RASA3: variants seen among roughly 807,000 people sequenced by gnomAD.
RASA3 encodes ras GTPase-activating protein 3.
RASA3 carries 73 observed loss-of-function variants against 110.0 expected under a neutral mutation model. The observed-to-expected ratio is 0.66, with a 90% CI of 0.55 to 0.81. The LOEUF (loss-of-function observed/expected upper bound fraction) is 0.81. Ranked by LOEUF, RASA3 falls within the 30% of genes least tolerant of loss-of-function variation. RASA3 has a pLI of 0.00. For synonymous variants in RASA3, 500 were observed against 451.4 expected (o/e 1.11, Z -1.37); for missense variants, 976 against 1,113.2 (o/e 0.88, Z 1.75).
rs1466181981 is a variant in RASA3, at chr13:114,043,843, C to G, written c.278-2749G>C. 3.2e-3 allele frequency among the ~76,000 whole-genome samples: 199 copies of G among 62,472 alleles called. 12 individuals are homozygous for G. The highest frequency in any genetic ancestry group is 0.015 in the African/African-American group (180 of 11,798). The allele number at this position is 62,472 out of a possible 152,430, so 41.0% of individuals were successfully genotyped here. ...GGCCCACCTCACTCGCTGAGCCCCC[C>G]GCCCCGCCTCACTCGCTGAGCCCCC... On this transcript the variant is annotated intron_variant, in intron 3 of 23. Transcript: ENST00000334062.
chr13:114,034,983 G>A (rs2054253086), intron 4 of RASA3, among the ~76,000 whole-genome samples: 1 of 151,172 alleles, frequency 6.6e-6, no homozygotes, highest in African/African-American at 2.4e-5. Flanking sequence ...TGAGCTTAGA[G>A]CAGAAGGGAG....
intron 1 of RASA3, among the ~76,000 whole-genome samples, chr13:114,127,923 C>T (rs562697093): frequency 1.4e-4 from 21 of 152,136 alleles, no homozygotes; most frequent in African/African-American, 2.7e-4. Flanking sequence ...ATGGAAACGA[C>T]GCCCTTAGCA....
chr13:114,013,861 TCC>T (rs1491266676), intron 14 of RASA3, among the ~76,000 whole-genome samples: 5 of 48,076 alleles, frequency 1.0e-4, no homozygotes, highest in African/African-American at 7.3e-5. Context: ...TCTGTCTCTC[TCC>T]CTGTCTCTCT....
chr13:114,061,676 CAAA>C (rs397963864), intron 2 of RASA3, among the ~76,000 whole-genome samples: 5 of 96,264 alleles, frequency 5.2e-5, no homozygotes, highest in African/African-American at 3.7e-5. Context: ...GACTCTGTCT[CAAA>C]AAAAAAAAAA....
At chr13:114,020,768 C>CAGGT (rs2053909299) in intron 9 of RASA3, among the ~76,000 whole-genome samples, 4 of 152,200 alleles carry the variant, frequency 2.6e-5, no homozygotes, top group Non-Finnish European at 5.9e-5. Context: ...TGGGTCAGAG[C>CAGGT]CGACCACTGA....
At chr13:114,019,163 GA>G (rs2053861352) in intron 9 of RASA3, among the ~76,000 whole-genome samples, 2 of 152,130 alleles carry the variant, frequency 1.3e-5, no homozygotes, top group Admixed American at 6.5e-5. Context: ...CGCGGAGGGG[GA>G]TGGGGGTGGA....
At chr13:114,117,392 GA>G (rs1446336605) in intron 1 of RASA3, among the ~76,000 whole-genome samples, 2 of 149,056 alleles carry the variant, frequency 1.3e-5, no homozygotes, top group African/African-American at 5.0e-5. Flanking sequence ...GCACGTGTGT[GA>G]GGGGAGCACG....
At chr13:114,077,580 G>A (rs2079709729) in intron 1 of RASA3, among the ~76,000 whole-genome samples, 1 of 97,418 alleles carries the variant, frequency 1.0e-5, no homozygotes, top group South Asian at 4.0e-4. Context: ...TGGCACCAAT[G>A]CACCGGATTC....
At chr13:114,049,904 C>A (rs1253646557) in intron 3 of RASA3, among the ~76,000 whole-genome samples, 1 of 152,232 alleles carries the variant, frequency 6.6e-6, no homozygotes, top group Non-Finnish European at 1.5e-5. Flanking sequence ...GGAGGCAGGT[C>A]ACGGAGGGCA....
intron 1 of RASA3, among the ~76,000 whole-genome samples, chr13:114,097,900 C>T (rs2079966696): frequency 6.6e-6 from 1 of 152,214 alleles, no homozygotes; most frequent in South Asian, 2.1e-4. Context: ...CCTGTGCACG[C>T]CGTGCAGCAG....
chr13:114,034,164 C>T lies in RASA3; in HGVS notation c.373-4277G>A, dbSNP rs186960200. Among the ~76,000 whole-genome samples, 18 of 152,310 alleles carry T rather than the reference C, an allele frequency of 1.2e-4. No homozygotes were observed. The East Asian group carries it at 2.1e-3, about 18-fold the overall frequency. ...CCAGCCGGGCACTGGGCCTGCTATC[C>T]GTGGCTATCCACGGGCTAAAGGAGT... On this transcript the variant is annotated intron_variant, in intron 4 of 23. Coordinates refer to ENST00000334062, the MANE Select transcript of RASA3 (RefSeq NM_007368.4).
chr13:114,068,219 A>G (rs2079487827), intron 2 of RASA3, among the ~76,000 whole-genome samples: 1 of 152,118 alleles, frequency 6.6e-6, no homozygotes, highest in South Asian at 2.1e-4. Context: ...CTCCACAGAA[A>G]GGGGGGGCCA....
chr13:114,082,226 C>T (rs565900382), intron 1 of RASA3, among the ~76,000 whole-genome samples: 11 of 152,334 alleles, frequency 7.2e-5, no homozygotes, highest in South Asian at 2.1e-4. Flanking sequence ...AGGCCAGAGA[C>T]GTCCACGTCT....
rs1194835316 is a variant in RASA3, at chr13:114,018,124, G to A, written c.1071C>T (p.Ser357=). The change falls in exon 11 of 24, where the codon AGC becomes AGT. Residue 357 remains serine, a synonymous_variant. Coordinates refer to ENST00000334062, the MANE Select transcript of RASA3 (RefSeq NM_007368.4). ...CTCACTGGGTCCGCTTCACCTCCGC[G>A]CTGGCGATGGCACTGATGAATGGCA... ...RVVPFISAIA[S]AEVKRTQDPN... 1.3e-5 allele frequency: 20 copies of A among 1,548,004 alleles called. No homozygotes were observed. The highest frequency in any genetic ancestry group is 1.7e-4 in the Middle Eastern group (1 of 5,900).
chr13:113,998,033 G>A (rs542470609), intron 20 of RASA3, among the ~76,000 whole-genome samples: 2 of 152,346 alleles, frequency 1.3e-5, no homozygotes, highest in African/African-American at 4.8e-5. Flanking sequence ...GTGAGAGCCT[G>A]GCCTGGCAGT....
At chr13:114,088,117 T>G (rs993315361) in intron 1 of RASA3, among the ~76,000 whole-genome samples, 1 of 109,604 alleles carries the variant, frequency 9.1e-6, no homozygotes, top group African/African-American at 3.4e-5. Flanking sequence ...GATGACAGAG[T>G]GAGGCCCTGT....
chr13:114,005,417 A>C (rs2139194695), intron 18 of RASA3, among the ~76,000 whole-genome samples: 1 of 152,206 alleles, frequency 6.6e-6, no homozygotes, highest in South Asian at 2.1e-4. Flanking sequence ...AGGTTGAGGG[A>C]GGACAGGCCT....
chr13:114,074,710 C>T (rs766637131), intron 1 of RASA3, among the ~76,000 whole-genome samples: 1 of 152,236 alleles, frequency 6.6e-6, no homozygotes, highest in Non-Finnish European at 1.5e-5. Flanking sequence ...CCCACAGAGA[C>T]GCCACCTGGA....
Position 113,981,236 on chromosome 13 carries a change from C to T in RASA3, c.2429+439G>A, listed in dbSNP as rs532445327. The stretch of plus-strand genomic sequence containing the variant: ...TGACTAAGCTGAACGTACTCAACCT[C>T]GCCACACCTGCCTCATGAGACAAGA... On this transcript the variant is annotated intron_variant, in intron 23 of 23. Coordinates refer to ENST00000334062, the MANE Select transcript of RASA3 (RefSeq NM_007368.4). Among the ~76,000 whole-genome samples the T allele has an allele frequency of 8.5e-5, 13 of 152,312 alleles. No homozygotes were observed. In the South Asian group the frequency reaches 1.0e-3, roughly 12 times the overall value.
Sources: gnomAD v4.1 joint callset for allele counts (sites outside exome capture counted in the v4.1 genomes callset) on GRCh38, gnomAD v4.1.1 for gene constraint, MANE v1.5 for transcripts, NCBI Gene and HGNC (gene_info 2026-07-23, HGNC 2026-07-21) for gene names.